The following CMSS1 variants were observed in gnomAD, a reference collection of about 807,000 sequenced individuals.
CMSS1 encodes the protein protein CMSS1.
Under a neutral mutation model 43.5 loss-of-function variants are expected in CMSS1, and 33 were observed. That is an observed-to-expected ratio of 0.76 (90% CI 0.57 to 1.01). The LOEUF is 1.01. Ranked by LOEUF, CMSS1 falls within the 50% of genes least tolerant of loss-of-function variation. CMSS1 has a pLI of 0.00. For synonymous variants in CMSS1, 115 were observed against 117.2 expected (o/e 0.98, Z 0.12); for missense variants, 313 against 326.4 (o/e 0.96, Z 0.32).
intron 1 of CMSS1, among the ~76,000 whole-genome samples, chr3:99,955,864 C>T (rs903191468): frequency 6.6e-6 from 1 of 152,170 alleles, no homozygotes. Context: ...AAACTACATC[C>T]CATCCCACCC....
At chr3:99,818,367 G>T (rs1942363994) in intron 1 of CMSS1, among the ~76,000 whole-genome samples, 1 of 152,186 alleles carries the variant, frequency 6.6e-6, no homozygotes, top group Non-Finnish European at 1.5e-5. Context: ...CCCATGAACT[G>T]CTTTCAATTC....
At chr3:100,164,090 G>A (rs2067047415) in intron 4 of CMSS1, among the ~76,000 whole-genome samples, 1 of 152,200 alleles carries the variant, frequency 6.6e-6, no homozygotes, top group African/African-American at 2.4e-5. Flanking sequence ...CACATGAGCA[G>A]GATCTGGACT....
At chr3:99,851,185 A>G (rs1943679392) in intron 1 of CMSS1, 1 of 799,882 alleles carries the variant, frequency 1.3e-6, no homozygotes, top group South Asian at 2.2e-5. Flanking sequence ...GTGTCAGTTC[A>G]TATACAATAT....
chr3:99,901,242 CT>C (rs1706427048), intron 1 of CMSS1, among the ~76,000 whole-genome samples: 1 of 152,140 alleles, frequency 6.6e-6, no homozygotes, highest in African/African-American at 2.4e-5. Flanking sequence ...AGGATAGTAC[CT>C]TCCTTTAGAG....
chr3:100,172,064 A>C (rs992379251), intron 7 of CMSS1, 165 bp downstream of exon 7: 1 of 648,206 alleles, frequency 1.5e-6, no homozygotes, highest in Admixed American at 2.9e-5. Flanking sequence ...CTGCATACCT[A>C]CCTCCCCAGT....
At chr3:99,896,555 C>T (rs1292243665) in intron 1 of CMSS1, among the ~76,000 whole-genome samples, 1 of 151,926 alleles carries the variant, frequency 6.6e-6, no homozygotes, top group Admixed American at 6.6e-5. Context: ...GAAATAGGAC[C>T]CTTTATTAAA....
chr3:99,920,025 A>G (rs984512784), intron 1 of CMSS1, among the ~76,000 whole-genome samples: 1 of 152,222 alleles, frequency 6.6e-6, no homozygotes, highest in Non-Finnish European at 1.5e-5. Flanking sequence ...CTTCTGATTT[A>G]CAAAACTGAA....
intron 1 of CMSS1, among the ~76,000 whole-genome samples, chr3:100,014,895 C>CTTTTTTTTTTTTTTTTTTTTTTTTTTTCT (rs1233573719): frequency 4.0e-5 from 1 of 25,004 alleles, no homozygotes; most frequent in Non-Finnish European, 7.0e-5. Context: ...TTCTTTCTTT[C>CTTTTTTTTTTTTTTTTTTTTTTTTTTTCT]TTTTTTTTTT....
chr3:99,922,564 C>CAATA (rs1259365753), intron 1 of CMSS1, among the ~76,000 whole-genome samples: 6 of 152,170 alleles, frequency 3.9e-5, no homozygotes, highest in Non-Finnish European at 7.3e-5. Context: ...TGAAAGTTTG[C>CAATA]TATTAGCCTA....
intron 1 of CMSS1, chr3:99,850,886 T>G: frequency 6.2e-7 from 1 of 1,614,206 alleles, no homozygotes; most frequent in Non-Finnish European, 8.5e-7. Context: ...GCATTTGTGG[T>G]CAGCTCTTGG....
intron 1 of CMSS1, among the ~76,000 whole-genome samples, chr3:100,008,634 A>G (rs778678482): frequency 1.3e-5 from 2 of 152,232 alleles, no homozygotes; most frequent in Admixed American, 6.5e-5. Context: ...ATCTTTCCAA[A>G]TAATTATTAA....
chr3:99,907,500 G>A (rs571124444), intron 1 of CMSS1, among the ~76,000 whole-genome samples: 9 of 152,226 alleles, frequency 5.9e-5, no homozygotes, highest in East Asian at 1.9e-4. Flanking sequence ...ACCCGCCTCG[G>A]CCTCCCAAAG....
intron 1 of CMSS1, among the ~76,000 whole-genome samples, chr3:99,881,110 T>C (rs1427433355): frequency 6.6e-6 from 1 of 152,166 alleles, no homozygotes; most frequent in Non-Finnish European, 1.5e-5. Flanking sequence ...GAATCATCTG[T>C]TGGTAAGAGA....
chr3:100,040,035 G>A (rs1477114676), intron 1 of CMSS1: 1 of 152,218 alleles, frequency 6.6e-6, no homozygotes, highest in African/African-American at 2.4e-5. Flanking sequence ...TTACAGGCAT[G>A]AGCCACCGTG....
intron 1 of CMSS1, among the ~76,000 whole-genome samples, chr3:99,819,534 T>A (rs1942389319): frequency 6.6e-6 from 1 of 152,214 alleles, no homozygotes; most frequent in Non-Finnish European, 1.5e-5. Flanking sequence ...AAGTATTCTC[T>A]TCATTTGTAT....
chr3:99,961,857 A>G (rs1708502601), intron 1 of CMSS1, among the ~76,000 whole-genome samples: 1 of 152,206 alleles, frequency 6.6e-6, no homozygotes, highest in Admixed American at 6.5e-5. Flanking sequence ...GTACATTTGT[A>G]GAGCACAAAC....
chr3:100,160,398 A>G, intron 2 of CMSS1, 32 bp from the exon 3 acceptor site: 2 of 1,145,162 alleles, frequency 1.7e-6, no homozygotes, highest in Admixed American at 1.9e-5. Flanking sequence ...TCATGAAAAG[A>G]TTAAAATGTT....
At chr3:100,135,585 C>G (rs927249802) in intron 1 of CMSS1, among the ~76,000 whole-genome samples, 2 of 151,718 alleles carry the variant, frequency 1.3e-5, no homozygotes. Flanking sequence ...CTCAAGTGAT[C>G]CTCCTGCCTC....
chr3:99,872,906 G>A (rs1228646322), intron 1 of CMSS1, among the ~76,000 whole-genome samples: 1 of 151,804 alleles, frequency 6.6e-6, no homozygotes, highest in Non-Finnish European at 1.5e-5. Flanking sequence ...AGGTCAAGGA[G>A]AATCTCAAGT....
Sources: gnomAD v4.1 joint callset for allele counts (sites outside exome capture counted in the v4.1 genomes callset) on GRCh38, gnomAD v4.1.1 for gene constraint, MANE v1.5 for transcripts, NCBI Gene and HGNC (gene_info 2026-07-23, HGNC 2026-07-21) for gene names.